Variants in PCDH11Y observed in about 807,000 individuals in gnomAD.
PCDH11Y encodes the protein protocadherin 11 Y-linked, also known as protocadherin-11 Y-linked.
For synonymous variants in PCDH11Y, 9 were observed against 83.6 expected (o/e 0.11, Z 4.87); for missense variants, 12 against 224.8 (o/e 0.05, Z 6.05).
intron 1 of PCDH11Y, chrY:5,018,930 A>C (rs2124619444): frequency 1.2e-4 from 4 of 34,103 alleles, no homozygotes; most frequent in African/African-American, 4.5e-4. Context: ...ACATAGATGA[A>C]CACAGATGCA....
chrY:5,240,060 C>T (rs2052986415), intron 2 of PCDH11Y, among the ~76,000 whole-genome samples: 1 of 34,065 alleles, frequency 2.9e-5, no homozygotes, highest in Non-Finnish European at 7.3e-5. Flanking sequence ...CAAGTAAGTT[C>T]ATGTAATATT....
intron 2 of PCDH11Y, among the ~76,000 whole-genome samples, chrY:5,454,018 A>C: frequency 3.1e-5 from 1 of 32,535 alleles, no homozygotes; most frequent in African/African-American, 1.2e-4. Flanking sequence ...ATCTTATCTC[A>C]TTTCAGCATT....
chrY:5,345,611 ATCAT>A (rs2053151099), intron 2 of PCDH11Y, among the ~76,000 whole-genome samples: 1 of 32,472 alleles, frequency 3.1e-5, no homozygotes, highest in Admixed American at 2.8e-4. Flanking sequence ...TAGTAGCATG[ATCAT>A]TCATTTTAAT....
chrY:5,458,916 G>A, intron 2 of PCDH11Y, among the ~76,000 whole-genome samples: 1 of 31,560 alleles, frequency 3.2e-5, no homozygotes, highest in Non-Finnish European at 7.8e-5. Flanking sequence ...AAAGAAAAGG[G>A]CCAATGACAG....
intron 2 of PCDH11Y, among the ~76,000 whole-genome samples, chrY:5,287,102 C>T: frequency 3.0e-5 from 1 of 33,046 alleles, no homozygotes; most frequent in Non-Finnish European, 7.5e-5. Flanking sequence ...GGATTTTTAA[C>T]GTGAAAGGAT....
intron 1 of PCDH11Y, among the ~76,000 whole-genome samples, chrY:5,082,038 G>A: frequency 3.0e-5 from 1 of 33,407 alleles, no homozygotes; most frequent in Non-Finnish European, 7.4e-5. Flanking sequence ...TTTGAGATAT[G>A]TTTCTTCAAT....
intron 1 of PCDH11Y, among the ~76,000 whole-genome samples, chrY:5,096,438 C>CGTGT (rs367616063): frequency 2.1e-3 from 42 of 19,782 alleles, no homozygotes; most frequent in Non-Finnish European, 3.4e-3. Context: ...TTTAGATGTA[C>CGTGT]GTGTGTGTGT....
chrY:5,677,665 G>A (rs2053554692), intron 4 of PCDH11Y, among the ~76,000 whole-genome samples: 1 of 32,930 alleles, frequency 3.0e-5, no homozygotes, highest in African/African-American at 1.2e-4. Context: ...CATTAGGAAG[G>A]AACTGGTTAA....
intron 2 of PCDH11Y, among the ~76,000 whole-genome samples, chrY:5,482,200 T>G (rs2053327553): frequency 3.1e-5 from 1 of 31,938 alleles, no homozygotes; most frequent in African/African-American, 1.2e-4. Flanking sequence ...GGTTTCACTA[T>G]GTTGGTCAGG....
intron 4 of PCDH11Y, among the ~76,000 whole-genome samples, chrY:5,589,397 C>A (rs6655896): frequency 1.8e-4 from 6 of 33,256 alleles, no homozygotes; most frequent in African/African-American, 7.0e-4. Context: ...GCCTCCCCAA[C>A]CACATGGAAC....
chrY:5,352,284 GCTAA>G (rs2053160585), intron 2 of PCDH11Y, among the ~76,000 whole-genome samples: 1 of 30,934 alleles, frequency 3.2e-5, no homozygotes, highest in Non-Finnish European at 7.7e-5. Context: ...ACCAAGCCAG[GCTAA>G]CTGTTTTGTA....
chrY:5,459,824 T>A, intron 2 of PCDH11Y, among the ~76,000 whole-genome samples: 1 of 32,726 alleles, frequency 3.1e-5, no homozygotes. Flanking sequence ...TTTTTTTTCC[T>A]CCCCGCATTA....
chrY:5,641,463 G>T, intron 4 of PCDH11Y, among the ~76,000 whole-genome samples: 1 of 32,698 alleles, frequency 3.1e-5, no homozygotes, highest in African/African-American at 1.2e-4. Flanking sequence ...CCATTTTACG[G>T]TTATTAATTG....
chrY:5,433,326 T>A, intron 2 of PCDH11Y, among the ~76,000 whole-genome samples: 1 of 33,665 alleles, frequency 3.0e-5, no homozygotes, highest in Non-Finnish European at 7.4e-5. Context: ...TTGGTGAACT[T>A]TAAGCAGGGA....
At chrY:5,065,996 T>C in intron 1 of PCDH11Y, among the ~76,000 whole-genome samples, 1 of 30,998 alleles carries the variant, frequency 3.2e-5, no homozygotes, top group Non-Finnish European at 7.7e-5. Context: ...GTTTTTTTTT[T>C]CCAGTAGATT....
chrY:5,246,312 T>C, intron 2 of PCDH11Y, among the ~76,000 whole-genome samples: 1 of 29,653 alleles, frequency 3.4e-5, no homozygotes, highest in African/African-American at 1.4e-4. Flanking sequence ...AAGGAAAAAA[T>C]GTTAAGGGCA....
chrY:5,496,646 G>T (rs1602934073), intron 2 of PCDH11Y, among the ~76,000 whole-genome samples: 18 of 27,526 alleles, frequency 6.5e-4, no homozygotes, highest in Admixed American at 1.0e-3. Context: ...AAATGTTGTG[G>T]TTTTTTTTTT....
chrY:5,213,518 C>G (rs1602887299), intron 2 of PCDH11Y, among the ~76,000 whole-genome samples: 2 of 32,554 alleles, frequency 6.1e-5, no homozygotes, highest in South Asian at 1.4e-3. Context: ...CTGAAGGAAC[C>G]CTAAATTGGG....
At chrY:5,460,246 G>T in intron 2 of PCDH11Y, among the ~76,000 whole-genome samples, 1 of 32,794 alleles carries the variant, frequency 3.0e-5, no homozygotes, top group African/African-American at 1.2e-4. Context: ...TGCTATATTG[G>T]CAATGAATTC....
Sources: gnomAD v4.1 joint callset for allele counts (sites outside exome capture counted in the v4.1 genomes callset) on GRCh38, gnomAD v4.1.1 for gene constraint, MANE v1.5 for transcripts, NCBI Gene and HGNC (gene_info 2026-07-23, HGNC 2026-07-21) for gene names.